Variants in ADGRB3 observed in about 807,000 individuals in gnomAD.
ADGRB3 encodes adhesion G protein-coupled receptor B3.
ADGRB3 carries 37 observed loss-of-function variants against 193.4 expected under a neutral mutation model. The observed-to-expected ratio is 0.19, with a 90% CI of 0.15 to 0.25. The LOEUF is 0.25. Ranked by LOEUF, ADGRB3 falls within the 10% of genes least tolerant of loss-of-function variation. The pLI is 1.00. For synonymous variants in ADGRB3, 690 were observed against 644.2 expected, an observed-to-expected ratio of 1.07 and a Z score of -1.08; for missense variants, 1,637 against 1,852.9, an observed-to-expected ratio of 0.88 and a Z score of 2.14.
At chr6:68,984,735 G>T (rs941888320) in intron 10 of ADGRB3, among the ~76,000 whole-genome samples, 1 of 151,936 alleles carries the variant, frequency 6.6e-6, no homozygotes, top group Admixed American at 6.6e-5. Flanking sequence ...ACCCAAGAAG[G>T]CAAAAAGAAA....
chr6:68,986,943 T>C (rs2150271628), intron 10 of ADGRB3, among the ~76,000 whole-genome samples: 1 of 152,224 alleles, frequency 6.6e-6, no homozygotes, highest in South Asian at 2.1e-4. Context: ...ACACACCTAC[T>C]CTTTAAACCA....
chr6:68,644,337 CTTAA>C (rs926618574), intron 3 of ADGRB3, among the ~76,000 whole-genome samples: 1 of 151,846 alleles, frequency 6.6e-6, no homozygotes, highest in African/African-American at 2.4e-5. Context: ...AACAAATATT[CTTAA>C]TTATTTATAT....
At chr6:68,797,368 G>A (rs1423055257) in intron 3 of ADGRB3, among the ~76,000 whole-genome samples, 1 of 151,610 alleles carries the variant, frequency 6.6e-6, no homozygotes, top group African/African-American at 2.4e-5. Flanking sequence ...TTGAGTCTCA[G>A]CAGGTAAAGA....
At position 69,389,234 on chromosome 6, in the gene ADGRB3, G is replaced by A. The variant is rs1431688141; in HGVS notation, c.*343G>A. 1 of 164,488 alleles carries A rather than the reference G, an allele frequency of 6.1e-6. No homozygotes were observed. Among genetic ancestry groups the A allele is most frequent in the Non-Finnish European group, 1.3e-5 (1 of 75,484 alleles). The allele number at this position is 164,488 out of a possible 1,614,324, so 10.2% of individuals were successfully genotyped here. A position where few individuals can be genotyped will look rare whatever the true frequency, so the allele number is the denominator to read the frequency against. ...GAAGCACAATGTATATATTTATGCA[G>A]TTTTTAAAGTTTATAACAGTCTGTT... On this transcript the variant is annotated 3_prime_UTR_variant, in exon 32 of 32. Transcript: ENST00000370598.
chr6:69,045,731 A>G (rs1242911501), intron 13 of ADGRB3, among the ~76,000 whole-genome samples: 1 of 152,098 alleles, frequency 6.6e-6, no homozygotes, highest in Non-Finnish European at 1.5e-5. Context: ...ATCTCAAACC[A>G]CTTAGAATGT....
At chr6:69,079,062 A>T (rs376942079) in intron 17 of ADGRB3, among the ~76,000 whole-genome samples, 1 of 152,090 alleles carries the variant, frequency 6.6e-6, no homozygotes, top group Non-Finnish European at 1.5e-5. Flanking sequence ...TGATGGAAGA[A>T]TGTTTCAGCT....
At chr6:68,888,577 A>ACAT (rs780228072) in intron 3 of ADGRB3, among the ~76,000 whole-genome samples, 1,554 of 151,816 alleles carry the variant, frequency 0.01, 9 homozygotes, top group Middle Eastern at 0.031. Context: ...ACACACACAT[A>ACAT]AAAAAAACTC....
intron 3 of ADGRB3, among the ~76,000 whole-genome samples, chr6:68,761,230 GGA>G (rs1457723811): frequency 6.6e-6 from 1 of 152,198 alleles, no homozygotes. Context: ...AAGGCAACAA[GGA>G]GAGAGGGAGA....
chr6:69,201,121 T>C (rs772491574), intron 17 of ADGRB3, among the ~76,000 whole-genome samples: 1 of 152,096 alleles, frequency 6.6e-6, no homozygotes, highest in Non-Finnish European at 1.5e-5. Flanking sequence ...GATGCTTCTG[T>C]TTAGATTTTT....
At chr6:69,066,093 C>G (rs995553307) in intron 16 of ADGRB3, among the ~76,000 whole-genome samples, 1 of 151,454 alleles carries the variant, frequency 6.6e-6, no homozygotes, top group Non-Finnish European at 1.5e-5. Flanking sequence ...GTTCTGGAAC[C>G]AACCCCCTGT....
chr6:69,179,082 A>G (rs2035282800), intron 17 of ADGRB3, among the ~76,000 whole-genome samples: 1 of 152,230 alleles, frequency 6.6e-6, no homozygotes, highest in African/African-American at 2.4e-5. Flanking sequence ...CAAGAATGCC[A>G]GTAATTTGTA....
intron 17 of ADGRB3, among the ~76,000 whole-genome samples, chr6:69,182,014 CA>C (rs1029070970): frequency 6.6e-6 from 1 of 152,046 alleles, no homozygotes; most frequent in African/African-American, 2.4e-5. Flanking sequence ...TTGTTCATCG[CA>C]AAAATTGGCT....
chr6:69,040,839 A>G (rs1562133637), intron 13 of ADGRB3, among the ~76,000 whole-genome samples: 1 of 152,200 alleles, frequency 6.6e-6, no homozygotes, highest in Non-Finnish European at 1.5e-5. Context: ...AAAACTAACA[A>G]GTTCAAAAAT....
intron 11 of ADGRB3, among the ~76,000 whole-genome samples, chr6:69,012,039 TTAA>T (rs1490996240): frequency 1.3e-5 from 2 of 152,086 alleles, no homozygotes; most frequent in Admixed American, 6.6e-5. Context: ...AACATGTATT[TTAA>T]TAATTTGTGT....
intron 3 of ADGRB3, among the ~76,000 whole-genome samples, chr6:68,795,993 C>T (rs941444047): frequency 1.3e-5 from 2 of 152,004 alleles, no homozygotes; most frequent in Admixed American, 6.6e-5. Context: ...TGAATCTTTT[C>T]TGTTTTGCTG....
chr6:68,972,581 A>G (rs1768608447), intron 8 of ADGRB3, among the ~76,000 whole-genome samples: 1 of 151,826 alleles, frequency 6.6e-6, no homozygotes, highest in African/African-American at 2.4e-5. Flanking sequence ...CCATGTGATA[A>G]ATAAGGATCA....
chr6:69,184,987 G>C (rs568226815), intron 17 of ADGRB3, among the ~76,000 whole-genome samples: 2 of 152,162 alleles, frequency 1.3e-5, no homozygotes, highest in South Asian at 4.1e-4. Context: ...GAGGCCATCC[G>C]TGCATTAGAC....
At chr6:69,057,030 A>G (rs1295675420) in intron 15 of ADGRB3, among the ~76,000 whole-genome samples, 1 of 152,096 alleles carries the variant, frequency 6.6e-6, no homozygotes, top group Non-Finnish European at 1.5e-5. Context: ...CATCTAATTC[A>G]TGGACACAGG....
intron 3 of ADGRB3, among the ~76,000 whole-genome samples, chr6:68,840,352 G>T (rs1343277078): frequency 7.1e-6 from 1 of 140,928 alleles, no homozygotes; most frequent in South Asian, 2.4e-4. Flanking sequence ...GGGCAGTGGA[G>T]TAAGGCACTG....
Sources: allele counts gnomAD v4.1 joint callset (sites outside exome capture counted in the v4.1 genomes callset), GRCh38; gene constraint gnomAD v4.1.1; transcripts MANE v1.5; gene names NCBI Gene and HGNC (gene_info 2026-07-23, HGNC 2026-07-21).